The following PTBP2 variants were observed in gnomAD, a reference collection of about 807,000 sequenced individuals.
The protein encoded by PTBP2 is polypyrimidine tract binding protein 2, also known as polypyrimidine tract-binding protein 2.
PTBP2 carries 13 observed loss-of-function variants against 61.4 expected under a neutral mutation model. The observed-to-expected ratio is 0.21, with a 90% CI of 0.14 to 0.34. PTBP2 has a LOEUF of 0.34. Among genes scored for constraint, PTBP2 ranks in the 10% least tolerant of loss-of-function variants. The probability of loss-of-function intolerance (pLI) is 1.00; values close to 1 mark genes in which losing one functional copy is unlikely to be tolerated. For synonymous variants in PTBP2, 215 were observed against 218.5 expected, an observed-to-expected ratio of 0.98 and a Z score of 0.14; for missense variants, 405 against 642.6, an observed-to-expected ratio of 0.63 and a Z score of 4.00.
exon 14 of PTBP2, chr1:96,823,523 G>A (rs2101331226): frequency 6.6e-6 from 1 of 152,232 alleles, no homozygotes; most frequent in Admixed American, 6.5e-5. Context: ...CTCACAGTAT[G>A]ATTAAATACT....
At chr1:96,746,408 A>T (rs1279789537) in intron 2 of PTBP2, among the ~76,000 whole-genome samples, 1 of 152,148 alleles carries the variant, frequency 6.6e-6, no homozygotes, top group East Asian at 1.9e-4. Context: ...TACCCTGATT[A>T]TTAATGAGGT....
At position 96,780,403 on chromosome 1, in the gene PTBP2, T is replaced by C. The variant is rs190937648; in HGVS notation, c.708+2457T>C. 1.3e-3 allele frequency among the ~76,000 whole-genome samples: 198 copies of C among 152,098 alleles called. 1 individual carries two copies. Among genetic ancestry groups the C allele is most frequent in the Non-Finnish European group, 2.1e-3 (144 of 67,930 alleles). On this transcript the variant is annotated intron_variant, in intron 7 of 13. Coordinates refer to ENST00000674951, the MANE Select transcript of PTBP2 (RefSeq NM_021190.4). ...ATAACCAGACTTCTTAAATAGTCTA[T>C]CTTTGTTGTTTATTATCTCATTTCT...
At chr1:96,819,274 A>T (rs559407403), downstream of PTBP2, 6 of 152,132 alleles carry the variant, frequency 3.9e-5, no homozygotes, top group African/African-American at 1.4e-4. Context: ...ATGATGACTG[A>T]TATTCTCTGT....
At chr1:96,749,193 T>TA (rs1175104139) in intron 2 of PTBP2, among the ~76,000 whole-genome samples, 1 of 137,136 alleles carries the variant, frequency 7.3e-6, no homozygotes, top group African/African-American at 2.5e-5. Flanking sequence ...AAGTCAGTAT[T>TA]AGAGGCTTGC....
chr1:96,798,122 T>C (rs1444193309), intron 8 of PTBP2, among the ~76,000 whole-genome samples: 1 of 150,886 alleles, frequency 6.6e-6, no homozygotes, highest in Admixed American at 6.6e-5. Context: ...GCGTGGTGTC[T>C]CATGCCTATA....
intron 10 of PTBP2, 80 bp from the exon 11 acceptor site, chr1:96,806,786 T>G: frequency 1.0e-6 from 1 of 990,786 alleles, no homozygotes; most frequent in Non-Finnish European, 1.6e-6. Flanking sequence ...TTCATTGATA[T>G]GTCAGAAAGA....
chr1:96,789,786 C>T (rs1436255619), intron 8 of PTBP2, among the ~76,000 whole-genome samples: 8 of 152,122 alleles, frequency 5.3e-5, no homozygotes, highest in African/African-American at 1.9e-4. Context: ...TTTATCTATT[C>T]AGTTTTTCTT....
intron 1 of PTBP2, among the ~76,000 whole-genome samples, chr1:96,722,460 G>A (rs1426143919): frequency 6.6e-6 from 1 of 152,008 alleles, no homozygotes; most frequent in African/African-American, 2.4e-5. Context: ...GGCGTGCGGC[G>A]GCGGGAGGAA....
intron 2 of PTBP2, among the ~76,000 whole-genome samples, chr1:96,727,335 T>A (rs1650715462): frequency 6.6e-6 from 1 of 152,200 alleles, no homozygotes; most frequent in Non-Finnish European, 1.5e-5. Context: ...CGTTTTGAGC[T>A]AATAAAAATA....
chr1:96,744,389 G>A (rs1188004344), intron 2 of PTBP2, among the ~76,000 whole-genome samples: 4 of 152,042 alleles, frequency 2.6e-5, no homozygotes, highest in Non-Finnish European at 5.9e-5. Flanking sequence ...GGGGTTATCT[G>A]GGGAGAAAGA....
chr1:96,764,818 T>C (rs1277397952), intron 3 of PTBP2, among the ~76,000 whole-genome samples: 4 of 152,238 alleles, frequency 2.6e-5, no homozygotes, highest in Non-Finnish European at 4.4e-5. Flanking sequence ...TAACAACTTA[T>C]CTTCTTGTAT....
chr1:96,726,585 C>T (rs1650569414), intron 2 of PTBP2, among the ~76,000 whole-genome samples: 1 of 152,114 alleles, frequency 6.6e-6, no homozygotes, highest in South Asian at 2.1e-4. Flanking sequence ...CTACAGGCGC[C>T]TGCCACCACG....
chr1:96,741,396 G>T (rs909039056), intron 2 of PTBP2, among the ~76,000 whole-genome samples: 3 of 152,024 alleles, frequency 2.0e-5, no homozygotes, highest in African/African-American at 7.3e-5. Flanking sequence ...GAGTAGCTGG[G>T]ACTACAGGAA....
chr1:96,785,171 G>A lies in PTBP2; in HGVS notation c.821G>A (p.Arg274Gln). The change falls in exon 8 of 14, where the codon CGA (arginine) becomes CAA (glutamine). Residue 274 changes from arginine to glutamine, a missense_variant. Physicochemically the swap from Arg to Gln is conservative, Grantham distance 43. Around this residue, in one of 4 missense-constraint regions of PTBP2, gnomAD observed 342 missense variants for 491.2 expected, o/e 0.70. Coordinates refer to ENST00000674951, the MANE Select transcript of PTBP2 (RefSeq NM_021190.4). Reference protein sequence around the residue: ...YNNDKSRDYTRPDLPSGDGQP... With the variant: ...YNNDKSRDYTQPDLPSGDGQP... The stretch of plus-strand genomic sequence containing the variant: ...AATGATAAAAGTAGGGATTATACTC[G>A]ACCTGATCTTCCATCTGGGGATGGA... 4.3e-6 allele frequency: 7 copies of A among 1,610,762 alleles called. No individual in the cohort carries two copies. The highest frequency in any genetic ancestry group is 5.9e-6 in the Non-Finnish European group (7 of 1,178,578).
At position 96,813,649 on chromosome 1, in the gene PTBP2, A is replaced by C; in HGVS notation, c.*244A>C. ...AGCCATTTTGTCTGTTTAAAATTTC[A>C]GTTTAATTTTGCTTTTTTTTTTTTT... On this transcript the variant is annotated 3_prime_UTR_variant, in exon 14 of 14. Coordinates refer to ENST00000674951, the MANE Select transcript of PTBP2 (RefSeq NM_021190.4). 3.8e-6 allele frequency: 1 copy of C among 263,132 alleles called. No homozygotes were observed. The highest frequency in any genetic ancestry group is 6.0e-5 in the East Asian group (1 of 16,792). The allele number at this position is 263,132 out of a possible 1,614,324, so 16.3% of individuals were successfully genotyped here. A position where few individuals can be genotyped will look rare whatever the true frequency, so the allele number is the denominator to read the frequency against.
intron 2 of PTBP2, among the ~76,000 whole-genome samples, chr1:96,743,827 A>C (rs1320436242): frequency 6.6e-6 from 1 of 152,026 alleles, no homozygotes; most frequent in African/African-American, 2.4e-5. Flanking sequence ...TGTTTTATTA[A>C]ATGAAAAGAG....
intron 8 of PTBP2, among the ~76,000 whole-genome samples, chr1:96,788,882 G>T (rs1659485450): frequency 6.6e-6 from 1 of 151,956 alleles, no homozygotes; most frequent in African/African-American, 2.4e-5. Context: ...AATGTAATTT[G>T]TTCAAAGAAA....
At chr1:96,743,988 G>A (rs1040467331) in intron 2 of PTBP2, among the ~76,000 whole-genome samples, 1 of 151,946 alleles carries the variant, frequency 6.6e-6, no homozygotes, top group African/African-American at 2.4e-5. Flanking sequence ...GACCAGCCTG[G>A]CTCTACTAAA....
chr1:96,768,054 T>C (rs1656939153), intron 3 of PTBP2, among the ~76,000 whole-genome samples: 1 of 152,096 alleles, frequency 6.6e-6, no homozygotes, highest in Non-Finnish European at 1.5e-5. Context: ...CCATATATTA[T>C]CACTTAGAGA....
Sources: allele counts gnomAD v4.1 joint callset (sites outside exome capture counted in the v4.1 genomes callset), GRCh38; gene constraint gnomAD v4.1.1; regional missense constraint gnomAD v4.1.1; transcripts MANE v1.5; gene names NCBI Gene and HGNC (gene_info 2026-07-23, HGNC 2026-07-21).